RP1: variants seen among roughly 807,000 people sequenced by gnomAD.
RP1 encodes the protein RP1 axonemal microtubule associated, also known as oxygen-regulated protein 1.
Under a neutral mutation model 14.8 loss-of-function variants are expected in RP1, and 16 were observed. The observed-to-expected ratio is 1.08, with a 90% CI of 0.73 to 1.65. The LOEUF (loss-of-function observed/expected upper bound fraction) is 1.65. Among genes scored for constraint, RP1 ranks in the 40% most tolerant of loss-of-function variants. The probability of loss-of-function intolerance (pLI) is 0.00; values close to 1 mark genes in which losing one functional copy is unlikely to be tolerated. For synonymous variants in RP1, 876 were observed against 883.6 expected, an observed-to-expected ratio of 0.99 and a Z score of 0.15; for missense variants, 2,631 against 2,535.0, an observed-to-expected ratio of 1.04 and a Z score of -0.81.
At chr8:54,722,419 C>A (rs547011418) in intron 16 of RP1, among the ~76,000 whole-genome samples, 2 of 151,780 alleles carry the variant, frequency 1.3e-5, no homozygotes, top group Non-Finnish European at 2.9e-5. Context: ...TACAGGCGCC[C>A]GCCACCGCGC....
At chr8:54,774,914 G>A (rs984805306), downstream of RP1, among the ~76,000 whole-genome samples, 7 of 152,166 alleles carry the variant, frequency 4.6e-5, no homozygotes, top group African/African-American at 1.4e-4. Context: ...AGTATGTCTT[G>A]TTAATCTGAA....
intron 6 of RP1, chr8:54,656,340 A>T: frequency 1.0e-6 from 1 of 960,612 alleles, no homozygotes; most frequent in Non-Finnish European, 1.5e-6. Context: ...CTTATCACTT[A>T]CCTCTCTGAT....
At chr8:54,802,259 A>C (rs2129389394) in intron 24 of RP1, among the ~76,000 whole-genome samples, 1 of 152,328 alleles carries the variant, frequency 6.6e-6, no homozygotes, top group South Asian at 2.1e-4. Context: ...TAATGTATTT[A>C]TTATAGATTC....
intron 12 of RP1, among the ~76,000 whole-genome samples, chr8:54,694,628 T>C (rs1478240063): frequency 6.6e-6 from 1 of 152,360 alleles, no homozygotes; most frequent in Non-Finnish European, 1.5e-5. Flanking sequence ...TAGTATTCTC[T>C]GATGGTAGTT....
chr8:54,620,878 A>G (rs991791349), intron 1 of RP1, 77 bp from the exon 2 acceptor site: 4 of 1,288,536 alleles, frequency 3.1e-6, no homozygotes, highest in African/African-American at 1.5e-5. Context: ...GTCTGCAGCT[A>G]TATTTAGCAT....
rs1805840446 is a variant in RP1 at position 54,620,901 on chromosome 8, C to T, written c.-12-54C>T. On this transcript the variant is annotated intron_variant, in intron 1 of 3. Transcript: ENST00000220676. ...CTATATTTAGCATGCATTAGTATTA[C>T]CATGTATTCGCTATGGTGCTGTGAT... is the stretch of plus-strand genomic sequence containing the variant. 3 of 1,510,642 alleles carry T rather than the reference C, an allele frequency of 2.0e-6. No individual in the cohort carries two copies. The South Asian group carries it at 3.4e-5, about 17-fold the overall frequency. 93.6% of individuals were successfully genotyped at this position (1,510,642 alleles called of 1,614,324 possible). A position where few individuals can be genotyped will look rare whatever the true frequency, so the allele number is the denominator to read the frequency against.
In RP1 at chr8:54,758,367, G is replaced by C. The variant is rs914814310; in HGVS notation, c.3094-555G>C. ...TTCTATTTAGGAGTGAAGAGTCCAG[G>C]CTACTCTTTTACAACAAACCCAAGA... On this transcript the variant is annotated intron_variant, in intron 21 of 22. Coordinates refer to the RP1 transcript ENST00000636932. 6.6e-5 allele frequency among the ~76,000 whole-genome samples: 10 copies of C among 150,480 alleles called. No individual in the cohort carries two copies. The South Asian group carries it at 1.9e-3, about 29-fold the overall frequency.
chr8:54,589,555 A>C (rs1011342568), intron 1 of RP1, among the ~76,000 whole-genome samples: 11 of 151,944 alleles, frequency 7.2e-5, no homozygotes, highest in African/African-American at 2.4e-4. Context: ...ACTTTCTTGC[A>C]TCATTGTTGT....
In RP1 at chr8:54,600,501, C is replaced by T. The variant is rs1805250043; in HGVS notation, c.-12-20454C>T. Among the ~76,000 whole-genome samples the T allele has an allele frequency of 2.6e-5, 4 of 152,246 alleles. No homozygotes were observed. The South Asian group carries it at 8.3e-4, about 32-fold the overall frequency. ...TGCTAAATGGTGGTGAAAGTTCTGGCTTCCCTCTGGGCTTCTTCTGATACG... is the reference window on the plus strand; with the variant it reads ...TGCTAAATGGTGGTGAAAGTTCTGGTTTCCCTCTGGGCTTCTTCTGATACG... On this transcript the variant is annotated intron_variant, in intron 1 of 22. Coordinates refer to the RP1 transcript ENST00000636932.
At chr8:54,729,094 C>T (rs1317572604) in intron 17 of RP1, among the ~76,000 whole-genome samples, 4 of 152,202 alleles carry the variant, frequency 2.6e-5, no homozygotes, top group African/African-American at 4.8e-5. Context: ...CATTTAAACA[C>T]ATTCAAACCG....
intron 16 of RP1, among the ~76,000 whole-genome samples, chr8:54,721,122 G>A (rs557762701): frequency 1.9e-4 from 29 of 152,334 alleles, no homozygotes; most frequent in African/African-American, 6.7e-4. Flanking sequence ...AATAAAATGA[G>A]CCTGATGTAA....
At position 54,788,310 on chromosome 8, in the gene RP1, C is replaced by CAATGTTTA. The variant is rs530451018; in HGVS notation, c.3615+4603_3615+4610dup. Among the ~76,000 whole-genome samples, 181 of 152,258 alleles carry CAATGTTTA rather than the reference C, an allele frequency of 1.2e-3. 1 individual carries two copies. The highest frequency in any genetic ancestry group is 4.0e-3 in the African/African-American group (167 of 41,542). On this transcript the variant is annotated intron_variant, in intron 24 of 28. Coordinates refer to the RP1 transcript ENST00000637698. Reference sequence around the variant, plus strand: ...TCAAGAATGTTTATCTGGGTCTTTTCAATGTTTAAAAGTTAGATGTCCATG... The same window carrying CAATGTTTA: ...TCAAGAATGTTTATCTGGGTCTTTTCAATGTTTAAATGTTTAAAAGTTAGATGTCCATG...
intron 22 of RP1, among the ~76,000 whole-genome samples, chr8:54,768,534 T>A (rs1256957381): frequency 6.6e-6 from 1 of 152,150 alleles, no homozygotes; most frequent in Non-Finnish European, 1.5e-5. Context: ...ATGGAAGGAA[T>A]GAGAGTATGT....
chr8:54,763,492 C>A (rs1809690703), intron 22 of RP1, among the ~76,000 whole-genome samples: 1 of 152,160 alleles, frequency 6.6e-6, no homozygotes, highest in Non-Finnish European at 1.5e-5. Flanking sequence ...CAAATAATGA[C>A]CAACATGGAG....
intron 19 of RP1, among the ~76,000 whole-genome samples, chr8:54,741,932 G>C (rs575974544): frequency 2.9e-4 from 44 of 150,720 alleles, no homozygotes; most frequent in African/African-American, 1.0e-3. Context: ...CTGTATTTCT[G>C]CCTAATAGCA....
chr8:54,669,400 G>A (rs1365162888), intron 7 of RP1, among the ~76,000 whole-genome samples: 4 of 152,174 alleles, frequency 2.6e-5, no homozygotes, highest in African/African-American at 7.2e-5. Context: ...AGGATGTGGA[G>A]AAATAGGAAC....
intron 15 of RP1, among the ~76,000 whole-genome samples, chr8:54,711,819 C>A (rs1476561702): frequency 6.6e-6 from 1 of 151,366 alleles, no homozygotes; most frequent in Non-Finnish European, 1.5e-5. Flanking sequence ...CCGGCTGAGA[C>A]CCATAACAAA....
intron 3 of RP1, among the ~76,000 whole-genome samples, chr8:54,644,912 ATGCTAATCTC>A (rs1806516451): frequency 6.6e-6 from 1 of 152,282 alleles, no homozygotes; most frequent in South Asian, 2.1e-4. Flanking sequence ...TAGATGTATC[ATGCTAATCTC>A]TGCCTCCATC....
chr8:54,569,299 A>G (rs1390130504), intron 1 of RP1, among the ~76,000 whole-genome samples: 1 of 152,222 alleles, frequency 6.6e-6, no homozygotes, highest in Non-Finnish European at 1.5e-5. Context: ...TGGGGTCCCA[A>G]GGGAAAGGCT....
Sources: allele counts gnomAD v4.1 joint callset (sites outside exome capture counted in the v4.1 genomes callset), GRCh38; gene constraint gnomAD v4.1.1; transcripts MANE v1.5; gene names NCBI Gene and HGNC (gene_info 2026-07-23, HGNC 2026-07-21).